GPM6A: variants seen among roughly 807,000 people sequenced by gnomAD.
GPM6A encodes neuronal membrane glycoprotein M6-a.
In GPM6A, 7 loss-of-function variants were observed where a neutral mutation model predicts 32.1. The ratio of observed to expected loss-of-function variants is 0.22; its 90% CI spans 0.12 to 0.41. The LOEUF is 0.41. GPM6A is among the 10% of genes least tolerant of loss of function. GPM6A has a pLI of 1.00. For synonymous variants in GPM6A, 130 were observed against 123.4 expected, an observed-to-expected ratio of 1.05 and a Z score of -0.35; for missense variants, 235 against 347.2, an observed-to-expected ratio of 0.68 and a Z score of 2.57.
In GPM6A at chr4:175,945,903, A is replaced by C. The variant is rs6852243; in HGVS notation, c.-23+56406T>G. ...ATACGGGTGCATATTACGTACAACT[A>C]AGTAATACGGGTGCATATTACTTAT... On this transcript the variant is annotated intron_variant, in intron 1 of 7. Transcript: ENST00000280187. Among the ~76,000 whole-genome samples, 687 of 145,424 alleles carry C rather than the reference A, an allele frequency of 4.7e-3. 12 individuals carry two copies. Among genetic ancestry groups the C allele is most frequent in the African/African-American group, 0.013 (486 of 38,634 alleles).
At chr4:175,714,775 T>A (rs1372008825) in intron 1 of GPM6A, among the ~76,000 whole-genome samples, 1 of 152,196 alleles carries the variant, frequency 6.6e-6, no homozygotes, top group East Asian at 1.9e-4. Context: ...AGACCGTTTT[T>A]TTTTAAGAAA....
At chr4:175,888,809 T>A (rs1737542946) in intron 1 of GPM6A, among the ~76,000 whole-genome samples, 1 of 152,048 alleles carries the variant, frequency 6.6e-6, no homozygotes, top group South Asian at 2.1e-4. Flanking sequence ...CCCAAAAGGA[T>A]TCCAAGGATT....
chr4:175,943,287 C>T (rs1739476154), intron 1 of GPM6A, among the ~76,000 whole-genome samples: 1 of 152,130 alleles, frequency 6.6e-6, no homozygotes, highest in South Asian at 2.1e-4. Flanking sequence ...TGGGCTGAGA[C>T]AATGGGGTTT....
At chr4:175,900,304 G>GAAGGAAAGGAAAGGAAAGGA (rs70962429) in intron 1 of GPM6A, among the ~76,000 whole-genome samples, 33 of 128,108 alleles carry the variant, frequency 2.6e-4, no homozygotes, top group African/African-American at 1.0e-3. Flanking sequence ...GAAAAGAAAA[G>GAAGGAAAGGAAAGGAAAGGA]AAGGAAAGGA....
At chr4:175,666,570 T>A (rs1016390338) in intron 3 of GPM6A, among the ~76,000 whole-genome samples, 7 of 152,236 alleles carry the variant, frequency 4.6e-5, no homozygotes, top group African/African-American at 1.7e-4. Flanking sequence ...GAGGCACTCA[T>A]CAACCTATCA....
At chr4:175,885,288 C>A (rs940675872) in intron 1 of GPM6A, among the ~76,000 whole-genome samples, 2 of 152,160 alleles carry the variant, frequency 1.3e-5, no homozygotes, top group African/African-American at 4.8e-5. Context: ...CGAGTACACA[C>A]TTTACATTTA....
intron 1 of GPM6A, among the ~76,000 whole-genome samples, chr4:175,925,484 T>C (rs771904011): frequency 6.6e-6 from 1 of 152,236 alleles, no homozygotes; most frequent in Admixed American, 6.5e-5. Context: ...GAATTTTAAA[T>C]CTAATTTACA....
At chr4:175,937,505 G>A (rs550358797) in intron 1 of GPM6A, among the ~76,000 whole-genome samples, 96 of 152,184 alleles carry the variant, frequency 6.3e-4, no homozygotes, top group African/African-American at 2.1e-3. Flanking sequence ...AAAAGTTTCC[G>A]ACATGTACAA....
chr4:175,899,771 C>CA (rs34037910), intron 1 of GPM6A, among the ~76,000 whole-genome samples: 33,181 of 150,710 alleles, frequency 0.22, 4,377 homozygotes, highest in Admixed American at 0.35. Context: ...GAATCTACCA[C>CA]AAAAAAAAAT....
At chr4:175,636,510 T>G (rs116092966) in intron 6 of GPM6A, among the ~76,000 whole-genome samples, 6,273 of 150,816 alleles carry the variant, frequency 0.042, 170 homozygotes, top group Admixed American at 0.072. Flanking sequence ...ATATGTATAA[T>G]TGAGGCCAGG....
chr4:175,822,447 T>G (rs1015817445), intron 1 of GPM6A, among the ~76,000 whole-genome samples: 2 of 152,164 alleles, frequency 1.3e-5, no homozygotes, highest in Non-Finnish European at 2.9e-5. Flanking sequence ...AATGATTACA[T>G]AAGTTGTCTG....
intron 1 of GPM6A, among the ~76,000 whole-genome samples, chr4:175,987,287 C>A (rs1031489504): frequency 7.9e-5 from 12 of 152,108 alleles, no homozygotes; most frequent in African/African-American, 2.9e-4. Context: ...GTCTTTTGAC[C>A]AACACCTGGC....
intron 1 of GPM6A, among the ~76,000 whole-genome samples, chr4:175,938,924 A>G (rs1739324379): frequency 6.6e-6 from 1 of 152,182 alleles, no homozygotes; most frequent in Non-Finnish European, 1.5e-5. Flanking sequence ...GAAACAAATT[A>G]CATTCTAAGG....
intron 1 of GPM6A, among the ~76,000 whole-genome samples, chr4:175,734,504 G>A (rs1157774293): frequency 6.6e-6 from 1 of 151,952 alleles, no homozygotes; most frequent in Non-Finnish European, 1.5e-5. Flanking sequence ...AGTCTTCTTT[G>A]CTAGTTTCAA....
intron 1 of GPM6A, among the ~76,000 whole-genome samples, chr4:175,923,104 T>C (rs183644198): frequency 6.6e-6 from 1 of 151,596 alleles, no homozygotes; most frequent in Non-Finnish European, 1.5e-5. Flanking sequence ...GATTTATAAA[T>C]CTTTTTCTAG....
intron 1 of GPM6A, among the ~76,000 whole-genome samples, chr4:175,992,976 T>G (rs1741196541): frequency 6.6e-6 from 1 of 152,178 alleles, no homozygotes; most frequent in Non-Finnish European, 1.5e-5. Context: ...TTGTAGTAAC[T>G]TGCTGAGGGA....
chr4:175,749,420 C>A lies in GPM6A; in HGVS notation c.38-47653G>T, dbSNP rs866086804. On this transcript the variant is annotated intron_variant, in intron 1 of 6. Coordinates refer to ENST00000393658, the MANE Select transcript of GPM6A (RefSeq NM_201591.3). Reference sequence around the variant, plus strand: ...TAACAGACTTGCTGGACACGGTTGCCACAAACCTTCAATTTATAAAAAATG... The same window carrying A: ...TAACAGACTTGCTGGACACGGTTGCAACAAACCTTCAATTTATAAAAAATG... Among the ~76,000 whole-genome samples, 10 of 152,152 alleles carry A rather than the reference C, an allele frequency of 6.6e-5. No homozygotes were observed. The East Asian group carries it at 1.7e-3, about 26-fold the overall frequency.
chr4:176,001,082 C>A (rs2126477087), intron 1 of GPM6A, among the ~76,000 whole-genome samples: 1 of 152,296 alleles, frequency 6.6e-6, no homozygotes, highest in South Asian at 2.1e-4. Flanking sequence ...TCAGCTTTCT[C>A]TTTTTTCCTT....
At chr4:175,748,579 C>G (rs565953885) in intron 1 of GPM6A, among the ~76,000 whole-genome samples, 2 of 152,248 alleles carry the variant, frequency 1.3e-5, no homozygotes, top group South Asian at 4.1e-4. Flanking sequence ...ATGCCATAAA[C>G]AGATGTGCTG....
Sources: allele counts gnomAD v4.1 joint callset (sites outside exome capture counted in the v4.1 genomes callset), GRCh38; gene constraint gnomAD v4.1.1; transcripts MANE v1.5; gene names NCBI Gene and HGNC (gene_info 2026-07-23, HGNC 2026-07-21).